NLRP4: variants seen among roughly 807,000 people sequenced by gnomAD.
The protein encoded by NLRP4 is NACHT, LRR and PYD domains-containing protein 4.
A neutral mutation model predicts 84.7 loss-of-function variants in NLRP4; 44 were observed. The ratio of observed to expected loss-of-function variants is 0.52; its 90% CI spans 0.41 to 0.67. The LOEUF (loss-of-function observed/expected upper bound fraction) is 0.67, where lower values mean the gene tolerates loss of function less well. Ranked by LOEUF, NLRP4 falls within the 30% of genes least tolerant of loss-of-function variation. The probability of loss-of-function intolerance (pLI) is 0.00; values close to 1 mark genes in which losing one functional copy is unlikely to be tolerated. For missense variants in NLRP4, 1,260 were observed against 1,219.4 expected (o/e 1.03, Z -0.50); for synonymous variants, 544 against 476.4 (o/e 1.14, Z -1.85).
At chr19:55,878,495 C>CAAAAAAAG (rs1230953931) in intron 8 of NLRP4, among the ~76,000 whole-genome samples, 1 of 4,272 alleles carries the variant, frequency 2.3e-4, no homozygotes, top group Admixed American at 1.8e-3. Context: ...GGCTTCATAC[C>CAAAAAAAG]TTTTTTTGGA....
chr19:55,846,618 C>G (rs1385138519), intron 1 of NLRP4, among the ~76,000 whole-genome samples: 1 of 151,930 alleles, frequency 6.6e-6, no homozygotes, highest in African/African-American at 2.4e-5. Flanking sequence ...AATATCATCA[C>G]TAACTATTTG....
Position 55,879,659 on chromosome 19 carries a change from C to T in NLRP4, c.2867+695C>T, listed in dbSNP as rs556796975. Among the ~76,000 whole-genome samples, 5 of 152,268 alleles carry T rather than the reference C, an allele frequency of 3.3e-5. No homozygotes were observed. The East Asian group carries it at 9.7e-4, about 29-fold the overall frequency. On this transcript the variant is annotated intron_variant, in intron 9 of 9. Coordinates refer to ENST00000301295, the MANE Select transcript of NLRP4 (RefSeq NM_134444.5). ...ACTGGCGCAGCTGCTGGCATTCCCCCCATGCAATCTTCGCGCTCCCTTATT... is the reference window on the plus strand; with the variant it reads ...ACTGGCGCAGCTGCTGGCATTCCCCTCATGCAATCTTCGCGCTCCCTTATT...
intron 2 of NLRP4, among the ~76,000 whole-genome samples, chr19:55,855,240 C>G (rs1407242265): frequency 1.3e-5 from 2 of 152,174 alleles, no homozygotes; most frequent in East Asian, 1.9e-4. Flanking sequence ...GAAGAACATT[C>G]TTTGCACATG....
chr19:55,841,852 G>A (rs564902211), intron 1 of NLRP4, among the ~76,000 whole-genome samples: 7 of 152,104 alleles, frequency 4.6e-5, no homozygotes, highest in South Asian at 2.1e-4. Flanking sequence ...GTGATAGTGC[G>A]AGACTCTGTC....
Position 55,870,893 on chromosome 19 carries a change from G to A in NLRP4, c.2421G>A (p.Lys807=), listed in dbSNP as rs776538120. 11 of 1,613,998 alleles carry A rather than the reference G, an allele frequency of 6.8e-6. No homozygotes were observed. The highest frequency in any genetic ancestry group is 1.6e-4 in the Middle Eastern group (1 of 6,084). The change falls in exon 7 of 10, where the codon AAG becomes AAA. Residue 807 remains lysine (K), a synonymous_variant. Coordinates refer to ENST00000301295, the MANE Select transcript of NLRP4 (RefSeq NM_134444.5). Reference sequence around the variant, plus strand: ...TCTCTGAAATGCTTCTGCGTAACAAGAGCGTGCGCTATCTAGACCTCAGTG... The same window carrying A: ...TCTCTGAAATGCTTCTGCGTAACAAAAGCGTGCGCTATCTAGACCTCAGTG... ...EYISEMLLRN[K]SVRYLDLSAN...
chr19:55,854,345 A>G (rs570309254), intron 2 of NLRP4, among the ~76,000 whole-genome samples: 121 of 152,120 alleles, frequency 8.0e-4, no homozygotes, highest in African/African-American at 2.7e-3. Context: ...TTTTTTCTCA[A>G]TATTTATTCC....
At position 55,851,540 on chromosome 19, in the gene NLRP4, G is replaced by A. The variant is rs1253855359; in HGVS notation, c.-65-476G>A. Among the ~76,000 whole-genome samples the A allele has an allele frequency of 1.0e-3, 74 of 71,152 alleles. 8 individuals are homozygous for A. Among genetic ancestry groups the A allele is most frequent in the Middle Eastern group, 0.015 (2 of 132 alleles). 46.7% of individuals were successfully genotyped at this position (71,152 alleles called of 152,430 possible). On this transcript the variant is annotated intron_variant, in intron 1 of 9. Transcript: ENST00000301295. ...CTGCGGTGTAATTTACCGAGGCTGC[G>A]GTGTAATGTCCGTGGCTGCGGTGTA...
At chr19:55,876,893 T>A in intron 7 of NLRP4, 103 bp from the exon 8 acceptor site, 1 of 872,580 alleles carries the variant, frequency 1.1e-6, no homozygotes, top group Non-Finnish European at 1.8e-6. Context: ...TGACGGTGCC[T>A]ATCCACATGA....
rs1020641975 is a variant in NLRP4, at chr19:55,857,499, G to A, written c.281-175G>A. The A allele has an allele frequency of 6.6e-6, 4 of 609,210 alleles. No individual in the cohort carries two copies. In the African/African-American group the frequency reaches 7.4e-5, roughly 11 times the overall value. 37.7% of individuals were successfully genotyped at this position (609,210 alleles called of 1,614,324 possible). A position where few individuals can be genotyped will look rare whatever the true frequency, so the allele number is the denominator to read the frequency against. On this transcript the variant is annotated intron_variant, in intron 2 of 9. Coordinates refer to ENST00000301295, the MANE Select transcript of NLRP4 (RefSeq NM_134444.5). ...AGGCTCCTGTAGACAATATACCCGT[G>A]AATGGTGTAGTGAGTTCTAATGAAA...
At chr19:55,852,390 C>G (rs371729618) in intron 2 of NLRP4, 30 bp downstream of exon 2, 11 of 1,502,510 alleles carry the variant, frequency 7.3e-6, no homozygotes, top group Non-Finnish European at 9.0e-6. Flanking sequence ...GGGAAGCCTT[C>G]TTATAATGAG....
At chr19:55,876,469 C>G (rs1227130983) in intron 7 of NLRP4, among the ~76,000 whole-genome samples, 2 of 152,168 alleles carry the variant, frequency 1.3e-5, no homozygotes, top group Non-Finnish European at 2.9e-5. Flanking sequence ...GTGCCTCAAC[C>G]TCCTGGGTAG....
intron 1 of NLRP4, among the ~76,000 whole-genome samples, chr19:55,842,904 T>C (rs147971487): frequency 0.074 from 11,295 of 151,870 alleles, 826 homozygotes; most frequent in African/African-American, 0.18. Context: ...AGACTACAGG[T>C]GCCCGCCACC....
intron 1 of NLRP4, among the ~76,000 whole-genome samples, chr19:55,851,429 A>C (rs796816679): frequency 0.01 from 185 of 18,352 alleles, 1 homozygote; most frequent in Admixed American, 0.016. Context: ...GGTGTAATTT[A>C]CGAGGCTGCG....
chr19:55,837,234 G>A (rs573836917), intron 1 of NLRP4, among the ~76,000 whole-genome samples: 1 of 152,110 alleles, frequency 6.6e-6, no homozygotes, highest in Admixed American at 6.5e-5. Flanking sequence ...GGAGGGAGAG[G>A]GTCAGGAAAA....
rs538362634 is a variant in NLRP4 at position 55,870,538 on chromosome 19, C to T, written c.2355-289C>T. Among the ~76,000 whole-genome samples, 4 of 152,226 alleles carry T rather than the reference C, an allele frequency of 2.6e-5. No individual in the cohort carries two copies. The East Asian group carries it at 7.7e-4, about 29-fold the overall frequency. On this transcript the variant is annotated intron_variant, in intron 6 of 9. Transcript: ENST00000301295. ...ATTAGCGAGATGTGGTTGTGGGTGC[C>T]TGTAATCTCAGCTACTTGGGAGGCT...
intron 2 of NLRP4, among the ~76,000 whole-genome samples, chr19:55,856,718 G>A (rs951741395): frequency 9.2e-5 from 14 of 151,984 alleles, no homozygotes; most frequent in Non-Finnish European, 1.6e-4. Flanking sequence ...GTTTCACCAT[G>A]TTGGCCAGGA....
At chr19:55,857,163 G>C (rs991861636) in intron 2 of NLRP4, among the ~76,000 whole-genome samples, 1 of 152,134 alleles carries the variant, frequency 6.6e-6, no homozygotes, top group Non-Finnish European at 1.5e-5. Context: ...TAGTCATATA[G>C]CTATTTTCCA....
In NLRP4 at chr19:55,858,375, G is replaced by A. The variant is rs371603998; in HGVS notation, c.982G>A (p.Val328Ile). The A allele has an allele frequency of 6.2e-7, 1 of 1,614,108 alleles. No individual in the cohort carries two copies. Among genetic ancestry groups the A allele is most frequent in the Admixed American group, 1.7e-5 (1 of 60,014 alleles). Residue 328 changes from valine (V) to isoleucine (I), a missense_variant, in exon 3 of 10, where the codon GTA (valine) becomes ATA (isoleucine). Around this residue, in one of 3 missense-constraint regions of NLRP4, gnomAD observed 712 missense variants for 669.2 expected, o/e 1.06. Coordinates refer to ENST00000301295, the MANE Select transcript of NLRP4 (RefSeq NM_134444.5). The surrounding 1 kb of genome is among the most constrained non-coding windows in gnomAD (Gnocchi z 4.2). ...AAGAGCCATGGAAGCCTTCAATCTTGTAAGAGAAAGTGAACAGCTGTTTTC... is the reference window on the plus strand; with the variant it reads ...AAGAGCCATGGAAGCCTTCAATCTTATAAGAGAAAGTGAACAGCTGTTTTC... ...PKRAMEAFNLVRESEQLFSIC... is the reference protein window; with the variant it reads ...PKRAMEAFNLIRESEQLFSIC...
chr19:55,877,718 C>T (rs765948021), intron 8 of NLRP4, among the ~76,000 whole-genome samples: 3 of 152,098 alleles, frequency 2.0e-5, no homozygotes, highest in East Asian at 1.9e-4. Context: ...CTTGTCTTGT[C>T]GATAACCATC....
Sources: allele counts gnomAD v4.1 joint callset (sites outside exome capture counted in the v4.1 genomes callset), GRCh38; gene constraint gnomAD v4.1.1; regional missense constraint gnomAD v4.1.1; non-coding constraint Gnocchi (gnomAD v3.1); transcripts MANE v1.5; gene names NCBI Gene and HGNC (gene_info 2026-07-23, HGNC 2026-07-21).